Variants in ATP1B4 observed in about 807,000 individuals in gnomAD.
The protein encoded by ATP1B4 is protein ATP1B4.
ATP1B4 carries 32 observed loss-of-function variants against 29.6 expected under a neutral mutation model. That is an observed-to-expected ratio of 1.08 (90% CI 0.82 to 1.45). The LOEUF (loss-of-function observed/expected upper bound fraction) is 1.45. ATP1B4 is among the 40% of genes most tolerant of loss of function. ATP1B4 has a pLI of 0.00. For missense variants in ATP1B4, 323 were observed against 276.2 expected (o/e 1.17, Z -1.20); for synonymous variants, 127 against 102.1 (o/e 1.24, Z -1.47).
chrX:120,377,089 A>G (rs1012740698), intron 6 of ATP1B4, among the ~76,000 whole-genome samples: 2 of 112,290 alleles, frequency 1.8e-5, no homozygotes, highest in Non-Finnish European at 3.8e-5. Flanking sequence ...CTGCACCCCC[A>G]GACCTGGATA....
In ATP1B4 at chrX:120,370,852, G is replaced by T. The variant is rs1348834479; in HGVS notation, c.457+9G>T. 6.6e-6 allele frequency: 8 copies of T among 1,204,387 alleles called. No homozygotes were observed. Among genetic ancestry groups the T allele is most frequent in the African/African-American group, 1.8e-5 (1 of 57,054 alleles). On this transcript the variant is annotated intron_variant, in intron 3 of 7. Coordinates refer to ENST00000218008, the MANE Select transcript of ATP1B4 (RefSeq NM_001142447.3). ...GCGGGTAAAGCCTCCTGGTGAGTGT[G>T]CCCAGATGCCCTGTGTTGTCAGAAC... is the stretch of plus-strand genomic sequence containing the variant.
chrX:120,365,265 G>A (rs1358218789), intron 1 of ATP1B4, among the ~76,000 whole-genome samples: 1 of 112,187 alleles, frequency 8.9e-6, no homozygotes, highest in Non-Finnish European at 1.9e-5. Flanking sequence ...ATATAGAGCT[G>A]TACATTGGAA....
chrX:120,379,727 C>A lies in ATP1B4; in HGVS notation c.*93C>A. The A allele has an allele frequency of 1.1e-6, 1 of 904,024 alleles. No homozygotes were observed. Among genetic ancestry groups the A allele is most frequent in the Non-Finnish European group, 1.5e-6 (1 of 657,769 alleles). 74.5% of individuals were successfully genotyped at this position (904,024 alleles called of 1,213,427 possible). On this transcript the variant is annotated 3_prime_UTR_variant, in exon 8 of 8. Coordinates refer to ENST00000218008, the MANE Select transcript of ATP1B4 (RefSeq NM_001142447.3). ...GAATTCTTTTTCTTCAATTAGGACA[C>A]AGCCAGATGGACATCTAAGACAGCC...
Position 120,375,496 on chromosome X carries a change from C to T in ATP1B4, c.687C>T (p.Asn229=). 8.3e-7 allele frequency: 1 copy of T among 1,211,239 alleles called. No individual in the cohort carries two copies. Among genetic ancestry groups the T allele is most frequent in the Non-Finnish European group, 1.1e-6 (1 of 895,296 alleles). The change falls in exon 5 of 8, where the codon AAC becomes AAT. Residue 229 remains asparagine (N), a synonymous_variant. Coordinates refer to ENST00000218008, the MANE Select transcript of ATP1B4 (RefSeq NM_001142447.3). ...AATTTAAGCGCTCCTTCCTAAAGAA[C>T]TGCTCTGGTCTGGAGGACCCAACTT... The part of the protein sequence containing the change: ...ACQFKRSFLK[N]CSGLEDPTFG...
intron 6 of ATP1B4, among the ~76,000 whole-genome samples, chrX:120,378,021 G>A (rs1247006966): frequency 9.0e-6 from 1 of 111,353 alleles, no homozygotes; most frequent in Non-Finnish European, 1.9e-5. Context: ...TGTGATGAGT[G>A]TAGATCTGTT....
chrX:120,371,213 A>G lies in ATP1B4; in HGVS notation c.562+3A>G, dbSNP rs777639155. On this transcript the variant is annotated splice_donor_region_variant and intron_variant, in intron 4 of 7. Transcript: ENST00000218008. ...TAGCCTAAATGGCTTTCTCCAGGGT[A>G]AGTAAGTTCGTCTGAATAGTGGAAA... 9 of 1,188,291 alleles carry G rather than the reference A, an allele frequency of 7.6e-6. No homozygotes were observed. In the South Asian group the frequency reaches 1.6e-4, roughly 21 times the overall value.
intron 5 of ATP1B4, among the ~76,000 whole-genome samples, chrX:120,376,044 C>A (rs1174055128): frequency 9.0e-6 from 1 of 111,468 alleles, no homozygotes; most frequent in African/African-American, 3.3e-5. Context: ...CATAAAAATG[C>A]ATTTTTCTTC....
intron 4 of ATP1B4, among the ~76,000 whole-genome samples, chrX:120,374,747 GTGTA>G (rs369640633): frequency 0.024 from 230 of 9,437 alleles, 1 homozygote; most frequent in African/African-American, 0.11. Context: ...ATATATAAGG[GTGTA>G]TATATATATA....
chrX:120,374,935 C>G (rs1038488211), intron 4 of ATP1B4, among the ~76,000 whole-genome samples: 4 of 97,005 alleles, frequency 4.1e-5, no homozygotes, highest in Non-Finnish European at 8.1e-5. Context: ...CCCTTATATA[C>G]CATACCTTGA....
intron 4 of ATP1B4, among the ~76,000 whole-genome samples, chrX:120,374,964 C>G (rs1376986091): frequency 9.8e-6 from 1 of 101,694 alleles, no homozygotes; most frequent in Non-Finnish European, 2.0e-5. Flanking sequence ...GTCCCTCTTC[C>G]AAAATCTACC....
chrX:120,368,872 G>C (rs2058299235), intron 2 of ATP1B4, among the ~76,000 whole-genome samples: 1 of 111,550 alleles, frequency 9.0e-6, no homozygotes, highest in Admixed American at 9.6e-5. Flanking sequence ...GGACATCCAG[G>C]GCAGAAAGTG....
rs200352903 is a variant in ATP1B4 at position 120,379,597 on chromosome X, T to C, written c.1037T>C (p.Val346Ala). 184 of 1,209,137 alleles carry C rather than the reference T, an allele frequency of 1.5e-4. No individual in the cohort carries two copies. Among genetic ancestry groups the C allele is most frequent in the Non-Finnish European group, 2.0e-4 (179 of 894,847 alleles). ...AATGATGTCATCAATGATCGTTTTG[T>C]GGGCAGGGTAATCTTTACCCTGAAC... ...VINDVINDRF[V>A]GRVIFTLNIE... The change falls in exon 8 of 8, where the codon GTG becomes GCG. Residue 346 changes from valine (V) to alanine (A), a missense_variant. Coordinates refer to ENST00000218008, the MANE Select transcript of ATP1B4 (RefSeq NM_001142447.3).
intron 1 of ATP1B4, 25 bp downstream of exon 1, chrX:120,362,256 T>C: frequency 8.5e-7 from 1 of 1,180,895 alleles, no homozygotes; most frequent in Non-Finnish European, 1.2e-6. Flanking sequence ...GCAGAATATT[T>C]TGCTGCCCCC....
chrX:120,369,124 A>G (rs948122576), intron 2 of ATP1B4, among the ~76,000 whole-genome samples: 3 of 112,343 alleles, frequency 2.7e-5, no homozygotes, highest in Non-Finnish European at 5.6e-5. Flanking sequence ...CCCTTCATCC[A>G]TGAAACTGAG....
intron 2 of ATP1B4, among the ~76,000 whole-genome samples, chrX:120,367,688 G>A (rs983210019): frequency 5.4e-5 from 6 of 111,678 alleles, no homozygotes; most frequent in African/African-American, 2.0e-4. Flanking sequence ...CAGTCCCCTA[G>A]TGCCAAGGGT....
In ATP1B4 at chrX:120,381,209, C is replaced by G. The variant is rs1173587440; in HGVS notation, c.*1575C>G. On this transcript the variant is annotated 3_prime_UTR_variant, in exon 8 of 8. Transcript: ENST00000218008. Reference sequence around the variant, plus strand: ...TAAGAAAGTAGCAGAGGAAATTTCACATGCAAAGCCACAGTCATGAAGAGA... The same window carrying G: ...TAAGAAAGTAGCAGAGGAAATTTCAGATGCAAAGCCACAGTCATGAAGAGA... The G allele has an allele frequency of 9.0e-6, 1 of 111,646 alleles. No homozygotes were observed. Among genetic ancestry groups the G allele is most frequent in the African/African-American group, 3.3e-5 (1 of 30,679 alleles). The allele number at this position is 111,646 out of a possible 1,213,427, so 9.2% of individuals were successfully genotyped here.
rs756219983 is a variant in ATP1B4, at chrX:120,362,232, G to A, written c.63+1G>A. 1.5e-5 allele frequency: 18 copies of A among 1,206,700 alleles called. No individual in the cohort carries two copies. Among genetic ancestry groups the A allele is most frequent in the Admixed American group, 6.6e-5 (3 of 45,728 alleles). On this transcript the variant is annotated splice_donor_variant, in intron 1 of 7. Coordinates refer to ENST00000218008, the MANE Select transcript of ATP1B4 (RefSeq NM_001142447.3). LOFTEE classifies it high-confidence loss of function. ...TCCTTACAGTTATCGCTACAGACTC[G>A]TGAGTGCCAGAGAGCAGAATATTTT... is the stretch of plus-strand genomic sequence containing the variant.
chrX:120,364,023 C>T (rs1417285393), intron 1 of ATP1B4, among the ~76,000 whole-genome samples: 3 of 110,732 alleles, frequency 2.7e-5, no homozygotes, highest in African/African-American at 9.9e-5. Context: ...AGCTCAGGAA[C>T]CTCTCACAGC....
intron 2 of ATP1B4, 131 bp from the exon 3 acceptor site, chrX:120,370,584 G>A (rs2075099): frequency 0.12 from 92,735 of 796,024 alleles, 5,231 homozygotes; most frequent in East Asian, 0.41. Flanking sequence ...GAATAAGCAA[G>A]GACATACTGA....
Sources: allele counts gnomAD v4.1 joint callset (sites outside exome capture counted in the v4.1 genomes callset), GRCh38; gene constraint gnomAD v4.1.1; transcripts MANE v1.5; gene names NCBI Gene and HGNC (gene_info 2026-07-23, HGNC 2026-07-21).